Variants in PCDHGA6 observed in about 807,000 individuals in gnomAD.
PCDHGA6 encodes protocadherin gamma-A6.
Under a neutral mutation model 60.6 loss-of-function variants are expected in PCDHGA6, and 41 were observed. The observed-to-expected ratio is 0.68, with a 90% CI of 0.53 to 0.88. The LOEUF is 0.88. PCDHGA6 is among the 40% of genes least tolerant of loss of function. PCDHGA6 has a pLI of 0.00. For synonymous variants in PCDHGA6, 594 were observed against 524.4 expected, an observed-to-expected ratio of 1.13 and a Z score of -1.81; for missense variants, 1,312 against 1,203.0, an observed-to-expected ratio of 1.09 and a Z score of -1.34.
rs2099643895 is a variant in PCDHGA6 at position 141,487,385 on chromosome 5, C to T, written c.2425-7422C>T. 1.9e-6 allele frequency: 3 copies of T among 1,614,160 alleles called. No homozygotes were observed. The highest frequency in any genetic ancestry group is 1.1e-5 in the South Asian group (1 of 91,086). On this transcript the variant is annotated intron_variant, in intron 1 of 3. Transcript: ENST00000517434. This position sits in a 1 kb window ranked among gnomAD's most constrained non-coding sequence, Gnocchi z 5.0. Reference sequence around the variant, plus strand: ...CACCTGTGCCTGTCTCACCAGATCTCGAAGGAGGGAGGGGCTTCCCCCTTC... The same window carrying T: ...CACCTGTGCCTGTCTCACCAGATCTTGAAGGAGGGAGGGGCTTCCCCCTTC...
Position 141,477,447 on chromosome 5 carries a change from G to C in PCDHGA6, c.2425-17360G>C, listed in dbSNP as rs779097830. On this transcript the variant is annotated intron_variant, in intron 1 of 3. Coordinates refer to ENST00000517434, the MANE Select transcript of PCDHGA6 (RefSeq NM_018919.3). The surrounding 1 kb of genome is among the most constrained non-coding windows in gnomAD (Gnocchi z 4.9). ...TCCCTCTCAGCCCTTACAATAGTGCGTGTTCAAGTGTCCGACATCAATGAC... is the reference window on the plus strand; with the variant it reads ...TCCCTCTCAGCCCTTACAATAGTGCCTGTTCAAGTGTCCGACATCAATGAC... The C allele has an allele frequency of 1.6e-5, 26 of 1,614,098 alleles. No individual in the cohort carries two copies. Among genetic ancestry groups the C allele is most frequent in the Non-Finnish European group, 2.2e-5 (26 of 1,180,016 alleles).
intron 2 of PCDHGA6, among the ~76,000 whole-genome samples, chr5:141,499,885 G>A (rs945162089): frequency 2.6e-5 from 4 of 151,850 alleles, no homozygotes; most frequent in Non-Finnish European, 4.4e-5. Flanking sequence ...ACAGGGTTTC[G>A]CCATGTTGGC....
Position 141,432,909 on chromosome 5 carries a change from G to A in PCDHGA6, c.2424+56402G>A, listed in dbSNP as rs773372764. On this transcript the variant is annotated intron_variant, in intron 1 of 3. Coordinates refer to ENST00000517434, the MANE Select transcript of PCDHGA6 (RefSeq NM_018919.3). The surrounding 1 kb of genome is among the most constrained non-coding windows in gnomAD (Gnocchi z 6.0). ...ATCTTGCTGCTGGCGCTCAGGCTGCGGCGCTGGCACAAGTCACGCCTGCTG... is the reference window on the plus strand; with the variant it reads ...ATCTTGCTGCTGGCGCTCAGGCTGCAGCGCTGGCACAAGTCACGCCTGCTG... 9 of 1,614,038 alleles carry A rather than the reference G, an allele frequency of 5.6e-6. No homozygotes were observed. The highest frequency in any genetic ancestry group is 4.5e-5 in the East Asian group (2 of 44,880).
chr5:141,491,048 C>G lies in PCDHGA6; in HGVS notation c.2425-3759C>G. On this transcript the variant is annotated intron_variant, in intron 1 of 3. Coordinates refer to ENST00000517434, the MANE Select transcript of PCDHGA6 (RefSeq NM_018919.3). The surrounding 1 kb of genome is among the most constrained non-coding windows in gnomAD (Gnocchi z 6.9). ...GTGGATGCTGATGCAGGCCACAATGCGTGGCTCTCCTACTCACTGTTGCCA... is the reference window on the plus strand; with the variant it reads ...GTGGATGCTGATGCAGGCCACAATGGGTGGCTCTCCTACTCACTGTTGCCA... 1.2e-6 allele frequency: 2 copies of G among 1,614,066 alleles called. No individual in the cohort carries two copies. Among genetic ancestry groups the G allele is most frequent in the Non-Finnish European group, 8.5e-7 (1 of 1,179,952 alleles).
At position 141,374,487 on chromosome 5, in the gene PCDHGA6, A is replaced by G; in HGVS notation, c.404A>G (p.Lys135Arg). The change falls in exon 1 of 4, where the codon AAG (lysine) becomes AGG (arginine). Residue 135 changes from lysine (K) to arginine (R), a missense_variant. Physicochemically the swap from Lys to Arg is conservative, Grantham distance 26. Coordinates refer to ENST00000517434, the MANE Select transcript of PCDHGA6 (RefSeq NM_018919.3). The stretch of plus-strand genomic sequence containing the variant: ...AATGACAATACACCCCGATTCTTAA[A>G]GGAAGAATTGGAAGTGAAAATTCTC... ...DINDNTPRFL[K>R]EELEVKILEN... 1 of 1,611,648 alleles carries G rather than the reference A, an allele frequency of 6.2e-7. No individual in the cohort carries two copies. The highest frequency in any genetic ancestry group is 8.5e-7 in the Non-Finnish European group (1 of 1,177,852).
rs35224477 is a variant in PCDHGA6, at chr5:141,464,263, TA to T, written c.2425-30530del. On this transcript the variant is annotated intron_variant, in intron 1 of 3. Coordinates refer to ENST00000517434, the MANE Select transcript of PCDHGA6 (RefSeq NM_018919.3). ...CTGGGCTACAGAGCGAGACTCCGTC[TA>T]AAAAAAAAAAAAAGCAAAAAAAAAA... Among the ~76,000 whole-genome samples, 390 of 103,506 alleles carry T rather than the reference TA, an allele frequency of 3.8e-3. 1 individual carries two copies. Among genetic ancestry groups the T allele is most frequent in the Admixed American group, 4.7e-3 (45 of 9,486 alleles). 67.9% of individuals were successfully genotyped at this position (103,506 alleles called of 152,430 possible). A position where few individuals can be genotyped will look rare whatever the true frequency, so the allele number is the denominator to read the frequency against.
At chr5:141,380,706 T>C (rs1203086162) in intron 1 of PCDHGA6, among the ~76,000 whole-genome samples, 1 of 152,260 alleles carries the variant, frequency 6.6e-6, no homozygotes, top group Non-Finnish European at 1.5e-5. Context: ...GTCTATAATT[T>C]AATTTAACTA....
At chr5:141,480,514 C>A (rs1015316945) in intron 1 of PCDHGA6, among the ~76,000 whole-genome samples, 2 of 127,196 alleles carry the variant, frequency 1.6e-5, no homozygotes, top group African/African-American at 7.3e-5. Flanking sequence ...TGAGAACAAC[C>A]AAAAATGACA....
chr5:141,508,867 G>A (rs2099872497), intron 3 of PCDHGA6, among the ~76,000 whole-genome samples: 1 of 152,108 alleles, frequency 6.6e-6, no homozygotes. Flanking sequence ...GGGAAAGGCT[G>A]AAGAGGCTGA....
At chr5:141,468,597 T>C in intron 1 of PCDHGA6, 1 of 152,224 alleles carries the variant, frequency 6.6e-6, no homozygotes, top group East Asian at 1.9e-4. Context: ...CTGGGCGCGG[T>C]GGCTCACGCC....
At chr5:141,452,858 T>C (rs904455495) in intron 1 of PCDHGA6, among the ~76,000 whole-genome samples, 1 of 152,202 alleles carries the variant, frequency 6.6e-6, no homozygotes. Flanking sequence ...GGGGAGATGA[T>C]TTTCTAACTC....
chr5:141,379,889 C>CTTTTTTTTTTTTTTTTTTTTTTTTTTTT lies in PCDHGA6; in HGVS notation c.2424+3385_2424+3412dup, dbSNP rs70988800. On this transcript the variant is annotated intron_variant, in intron 1 of 3. Transcript: ENST00000517434. The stretch of plus-strand genomic sequence containing the variant: ...CTTATTTTATGGTCTGTGAAAGCCT[C>CTTTTTTTTTTTTTTTTTTTTTTTTTTTT]TTTTTTTTTTTTTTTTTTTTTTTTT... Among the ~76,000 whole-genome samples the CTTTTTTTTTTTTTTTTTTTTTTTTTTTT allele has an allele frequency of 5.5e-4, 28 of 50,832 alleles. 8 individuals are homozygous for CTTTTTTTTTTTTTTTTTTTTTTTTTTTT. The highest frequency in any genetic ancestry group is 7.7e-4 in the Non-Finnish European group (20 of 25,882). 33.3% of individuals were successfully genotyped at this position (50,832 alleles called of 152,430 possible). A position where few individuals can be genotyped will look rare whatever the true frequency, so the allele number is the denominator to read the frequency against.
At chr5:141,383,319 A>G (rs778348189) in intron 1 of PCDHGA6, 1 of 1,614,020 alleles carries the variant, frequency 6.2e-7, no homozygotes, top group Non-Finnish European at 8.5e-7. Context: ...AAATAAATGT[A>G]AAAATAATGG....
In PCDHGA6 at chr5:141,382,895, CG is replaced by C. The variant is rs746416348; in HGVS notation, c.2424+6389del. 5.9e-6 allele frequency: 9 copies of C among 1,536,084 alleles called. No individual in the cohort carries two copies. In the Admixed American group the frequency reaches 1.9e-4, roughly 33 times the overall value. On this transcript the variant is annotated intron_variant, in intron 1 of 3. Transcript: ENST00000517434. ...CGGCGCCTAAGCAAGAGAAGCAGGA[CG>C]ACTATGGCGGCTCAGCCGAGGGGCG...
At chr5:141,403,178 T>G in intron 1 of PCDHGA6, 3 of 1,613,980 alleles carry the variant, frequency 1.9e-6, no homozygotes, top group Non-Finnish European at 2.5e-6. Context: ...GCAGCTTTTC[T>G]CTCTGAACCC....
At chr5:141,460,483 C>G (rs2098990314) in intron 1 of PCDHGA6, among the ~76,000 whole-genome samples, 1 of 152,046 alleles carries the variant, frequency 6.6e-6, no homozygotes, top group African/African-American at 2.4e-5. Flanking sequence ...ATCCAATTGT[C>G]TCTTTGGAAA....
At chr5:141,412,282 C>A (rs1017660848) in intron 1 of PCDHGA6, 1 of 152,186 alleles carries the variant, frequency 6.6e-6, no homozygotes, top group African/African-American at 2.4e-5. Flanking sequence ...ACTTCAAATT[C>A]TACGTATTTC....
At chr5:141,398,893 C>G in intron 1 of PCDHGA6, 1 of 1,613,962 alleles carries the variant, frequency 6.2e-7, no homozygotes, top group Admixed American at 1.7e-5. Flanking sequence ...GGAAAACGTG[C>G]CACCAGGCAC....
At chr5:141,409,097 G>C in intron 1 of PCDHGA6, 1 of 1,613,958 alleles carries the variant, frequency 6.2e-7, no homozygotes, top group Non-Finnish European at 8.5e-7. Context: ...TGAGAAAACA[G>C]GTATGATTAA....
Sources: gnomAD v4.1 joint callset for allele counts (sites outside exome capture counted in the v4.1 genomes callset) on GRCh38, gnomAD v4.1.1 for gene constraint, Gnocchi (gnomAD v3.1) non-coding constraint, MANE v1.5 for transcripts, NCBI Gene and HGNC (gene_info 2026-07-23, HGNC 2026-07-21) for gene names.